The following PEX1 variants were observed in gnomAD, a reference collection of about 807,000 sequenced individuals.
The protein encoded by PEX1 is peroxisomal biogenesis factor 1, also known as peroxisomal ATPase PEX1.
A neutral mutation model predicts 152.5 loss-of-function variants in PEX1; 97 were observed. The ratio of observed to expected loss-of-function variants is 0.64; its 90% CI spans 0.54 to 0.75. The LOEUF (loss-of-function observed/expected upper bound fraction) is 0.75. Among genes scored for constraint, PEX1 ranks in the 30% least tolerant of loss-of-function variants. PEX1 has a pLI of 0.00. For missense variants in PEX1, 1,357 were observed against 1,516.3 expected, an observed-to-expected ratio of 0.89 and a Z score of 1.74; for synonymous variants, 485 against 531.6, an observed-to-expected ratio of 0.91 and a Z score of 1.21.
chr7:92,508,491 T>C (rs1792304735), intron 9 of PEX1, among the ~76,000 whole-genome samples: 2 of 151,738 alleles, frequency 1.3e-5, no homozygotes, highest in South Asian at 2.1e-4. Context: ...TGAGCTGAGA[T>C]TGCAACACTG....
intron 5 of PEX1, 136 bp downstream of exon 5, chr7:92,517,140 G>GT (rs753469600): frequency 1.4e-6 from 1 of 715,884 alleles, no homozygotes; most frequent in Non-Finnish European, 2.4e-6. Flanking sequence ...GCGTAAATGT[G>GT]TCCCCCAAGT....
At chr7:92,492,365 G>A (rs1178228967) in intron 20 of PEX1, among the ~76,000 whole-genome samples, 1 of 152,194 alleles carries the variant, frequency 6.6e-6, no homozygotes, top group Non-Finnish European at 1.5e-5. Flanking sequence ...AGTGGGTACA[G>A]TTTGTGCAAC....
At chr7:92,494,439 T>C in intron 18 of PEX1, 43 bp from the exon 19 acceptor site, 1 of 1,611,560 alleles carries the variant, frequency 6.2e-7, no homozygotes, top group Non-Finnish European at 8.5e-7. Context: ...TCTGATGACA[T>C]GATGACATTT....
intron 17 of PEX1, among the ~76,000 whole-genome samples, chr7:92,496,030 G>A (rs1022565950): frequency 6.6e-6 from 1 of 151,800 alleles, no homozygotes; most frequent in Non-Finnish European, 1.5e-5. Context: ...CTTTAACCCA[G>A]GAATTACGTG....
At chr7:92,515,711 A>G (rs1792706192) in intron 5 of PEX1, among the ~76,000 whole-genome samples, 2 of 152,144 alleles carry the variant, frequency 1.3e-5, no homozygotes, top group Admixed American at 1.3e-4. Context: ...TAATGATCTG[A>G]GGCCAGGCAC....
At position 92,489,756 on chromosome 7, in the gene PEX1, T is replaced by C. The variant is rs1234805996; in HGVS notation, c.3594A>G (p.Ala1198=). 6.2e-7 allele frequency: 1 copy of C among 1,614,080 alleles called. No individual in the cohort carries two copies. The highest frequency in any genetic ancestry group is 1.3e-5 in the African/African-American group (1 of 74,942). ...LTQEQRDQLR[A]DISIIKGRYR... is the part of the protein sequence containing the mutation. The stretch of plus-strand genomic sequence containing the variant: ...ATCTGCCTTTGATAATACTGATATC[T>C]GCCCTCAGTTGATCTCTTTGTTCTT... Residue 1198 remains alanine (A), a synonymous_variant, in exon 22 of 24, where the codon GCA becomes GCG. Transcript: ENST00000248633.
intron 1 of PEX1, among the ~76,000 whole-genome samples, chr7:92,525,487 G>C (rs1793224927): frequency 6.6e-6 from 1 of 152,238 alleles, no homozygotes; most frequent in African/African-American, 2.4e-5. Flanking sequence ...TCTGAGTACA[G>C]AGAAGATAAC....
chr7:92,517,530 T>TA lies in PEX1; in HGVS notation c.984dup (p.Thr329TyrfsTer9), dbSNP rs1242342217. 1 of 1,613,988 alleles carries TA rather than the reference T, an allele frequency of 6.2e-7. No homozygotes were observed. Among genetic ancestry groups the TA allele is most frequent in the Non-Finnish European group, 8.5e-7 (1 of 1,180,010 alleles). On this transcript the variant is annotated frameshift_variant, in exon 5 of 24. Coordinates refer to ENST00000248633, the MANE Select transcript of PEX1 (RefSeq NM_000466.3). LOFTEE classifies it high-confidence loss of function. Reference sequence around the variant, plus strand: ...TTAACTAGCTTTCCATATGTCACAGTAAAGCTGGGCTCTACATCAAAATAT... The same window carrying TA: ...TTAACTAGCTTTCCATATGTCACAGTAAAAGCTGGGCTCTACATCAAAATAT...
rs186212609 is a variant in PEX1, at chr7:92,498,858, T to G, written c.2718+846A>C. 5.3e-4 allele frequency among the ~76,000 whole-genome samples: 81 copies of G among 152,340 alleles called. 1 individual carries two copies. The highest frequency in any genetic ancestry group is 1.7e-3 in the African/African-American group (71 of 41,582). On this transcript the variant is annotated intron_variant, in intron 16 of 23. Coordinates refer to ENST00000248633, the MANE Select transcript of PEX1 (RefSeq NM_000466.3). ...TCCTGCCTCAGTATGGTCTCCTGCC[T>G]CTAGTTGTCTACTCCCTTTAAGAAT...
At chr7:92,497,453 CA>C (rs200588226) in intron 16 of PEX1, among the ~76,000 whole-genome samples, 1,741 of 118,566 alleles carry the variant, frequency 0.015, 23 homozygotes, top group African/African-American at 0.043. Flanking sequence ...GGGAAAAGGC[CA>C]AAAAAAAAAA....
Position 92,522,168 on chromosome 7 carries a change from T to C in PEX1, c.207A>G (p.Gln69=). 1 of 1,614,132 alleles carries C rather than the reference T, an allele frequency of 6.2e-7. No individual in the cohort carries two copies. Among genetic ancestry groups the C allele is most frequent in the Non-Finnish European group, 8.5e-7 (1 of 1,179,976 alleles). The change falls in exon 2 of 24, where the codon CAA becomes CAG. Residue 69 remains glutamine, a synonymous_variant. Transcript: ENST00000248633. ...TGTTAATTTCAGCCACATTTTCACC[T>C]TGATCACTAAAATGCCTGCCTTCCA... The part of the protein sequence containing the change: ...SWVEGRHFSD[Q]GENVAEINRQ...
chr7:92,514,991 T>C (rs950915422), intron 5 of PEX1, among the ~76,000 whole-genome samples: 6 of 150,264 alleles, frequency 4.0e-5, no homozygotes, highest in African/African-American at 1.2e-4. Flanking sequence ...AGAGCTTGCA[T>C]TGAGTGGAGA....
chr7:92,492,332 C>A (rs1373032780), intron 20 of PEX1, among the ~76,000 whole-genome samples: 2 of 152,132 alleles, frequency 1.3e-5, no homozygotes, highest in African/African-American at 2.4e-5. Context: ...TTCACAGAGA[C>A]AAGATCCCAC....
At chr7:92,519,219 T>C (rs1792946605) in intron 2 of PEX1, 141 bp from the exon 3 acceptor site, 2 of 627,854 alleles carry the variant, frequency 3.2e-6, no homozygotes, top group Non-Finnish European at 5.7e-6. Flanking sequence ...ATGTAGTCTA[T>C]GTAATCTTTC....
At chr7:92,491,858 G>A (rs1451184387) in intron 20 of PEX1, among the ~76,000 whole-genome samples, 2 of 152,092 alleles carry the variant, frequency 1.3e-5, no homozygotes, top group Admixed American at 1.3e-4. Context: ...ATTATAGAGA[G>A]CTCTACAAAT....
Position 92,528,462 on chromosome 7 carries a change from C to G in PEX1, c.-27G>C, listed in dbSNP as rs1793410500. 1 of 1,561,872 alleles carries G rather than the reference C, an allele frequency of 6.4e-7. No individual in the cohort carries two copies. Among genetic ancestry groups the G allele is most frequent in the Non-Finnish European group, 8.6e-7 (1 of 1,156,580 alleles). On this transcript the variant is annotated 5_prime_UTR_variant, in exon 1 of 24. Coordinates refer to ENST00000248633, the MANE Select transcript of PEX1 (RefSeq NM_000466.3). The stretch of plus-strand genomic sequence containing the variant: ...GTCCCGGAGCGTCGCTCTGGGTTCG[C>G]CCACCCTAGCGCCGCAAAGGACCCG...
At chr7:92,528,182 G>A (rs988019663) in intron 1 of PEX1, 125 bp downstream of exon 1, 6 of 1,276,960 alleles carry the variant, frequency 4.7e-6, no homozygotes, top group South Asian at 2.7e-5. Flanking sequence ...GCCGTCGAGG[G>A]ACCCTGATCT....
At chr7:92,490,158 T>G (rs1386332723) in intron 21 of PEX1, 3 of 517,298 alleles carry the variant, frequency 5.8e-6, no homozygotes, top group African/African-American at 5.8e-5. Context: ...TTTTTTTAAC[T>G]TTGTTGCTTA....
intron 2 of PEX1, among the ~76,000 whole-genome samples, chr7:92,520,631 C>A (rs111606723): frequency 7.3e-4 from 111 of 152,276 alleles, no homozygotes; most frequent in African/African-American, 2.5e-3. Flanking sequence ...GCTCCTGCCC[C>A]CTAAGAAGCT....
Sources: gnomAD v4.1 joint callset for allele counts (sites outside exome capture counted in the v4.1 genomes callset) on GRCh38, gnomAD v4.1.1 for gene constraint, MANE v1.5 for transcripts, NCBI Gene and HGNC (gene_info 2026-07-23, HGNC 2026-07-21) for gene names.